IGF2R: variants seen among roughly 807,000 people sequenced by gnomAD.
IGF2R encodes cation-independent mannose-6-phosphate receptor.
Under a neutral mutation model 270.6 loss-of-function variants are expected in IGF2R, and 91 were observed. That is an observed-to-expected ratio of 0.34 (90% CI 0.28 to 0.40). The LOEUF is 0.40. IGF2R is among the 10% of genes least tolerant of loss of function. The pLI, the probability that IGF2R is intolerant of heterozygous loss-of-function variation, is 1.00. For synonymous variants in IGF2R, 1,316 were observed against 1,258.9 expected, an observed-to-expected ratio of 1.05 and a Z score of -0.96; for missense variants, 2,805 against 3,188.3, an observed-to-expected ratio of 0.88 and a Z score of 2.90.
chr6:160,025,429 T>C (rs1362143829), intron 5 of IGF2R, among the ~76,000 whole-genome samples: 1 of 152,236 alleles, frequency 6.6e-6, no homozygotes, highest in African/African-American at 2.4e-5. Context: ...AGTGTTCTTC[T>C]TTGTTTTTTA....
chr6:160,103,652 TG>T, intron 46 of IGF2R, 93 bp from the exon 47 acceptor site: 1 of 812,316 alleles, frequency 1.2e-6, no homozygotes, highest in Non-Finnish European at 2.2e-6. Context: ...ACCAGCCCCC[TG>T]GTGGTGCAGA....
At chr6:160,066,742 C>A (rs1355039163) in intron 29 of IGF2R, among the ~76,000 whole-genome samples, 3 of 152,142 alleles carry the variant, frequency 2.0e-5, no homozygotes, top group African/African-American at 7.2e-5. Flanking sequence ...GCTGTCCTCA[C>A]CTGTGCTGTT....
intron 23 of IGF2R, among the ~76,000 whole-genome samples, chr6:160,061,084 G>A (rs978623674): frequency 1.4e-4 from 22 of 152,218 alleles, no homozygotes; most frequent in African/African-American, 5.3e-4. Flanking sequence ...TGCCCTGGAA[G>A]CTGACAGTGT....
chr6:160,037,980 T>C (rs1207874387), intron 10 of IGF2R, among the ~76,000 whole-genome samples: 2 of 152,138 alleles, frequency 1.3e-5, no homozygotes, highest in Non-Finnish European at 2.9e-5. Context: ...CAGGGGAGGC[T>C]GGGAAACGGA....
At chr6:159,970,255 T>A (rs1783590184) in intron 1 of IGF2R, among the ~76,000 whole-genome samples, 1 of 152,196 alleles carries the variant, frequency 6.6e-6, no homozygotes, top group Non-Finnish European at 1.5e-5. Context: ...CTGTTTAGGA[T>A]GATGGAAAAT....
intron 4 of IGF2R, among the ~76,000 whole-genome samples, chr6:160,012,759 ATATATTT>A (rs1784355117): frequency 1.4e-5 from 1 of 71,666 alleles, no homozygotes; most frequent in Admixed American, 1.2e-4. Flanking sequence ...ATATATATAT[ATATATTT>A]TTTTTTTTTT....
chr6:160,085,266 C>G, intron 41 of IGF2R, 135 bp downstream of exon 41: 3 of 903,662 alleles, frequency 3.3e-6, no homozygotes, highest in Non-Finnish European at 5.0e-6. Context: ...CTGTCACTGT[C>G]TCACAGGCAT....
intron 19 of IGF2R, among the ~76,000 whole-genome samples, chr6:160,054,963 C>T (rs1778278701): frequency 6.6e-6 from 1 of 152,114 alleles, no homozygotes; most frequent in South Asian, 2.1e-4. Flanking sequence ...CCTGCCTGGT[C>T]TGCTTTGTCA....
At chr6:160,009,723 T>C (rs1256336841) in intron 3 of IGF2R, among the ~76,000 whole-genome samples, 1 of 152,228 alleles carries the variant, frequency 6.6e-6, no homozygotes, top group Non-Finnish European at 1.5e-5. Context: ...CAGTAAATAA[T>C]TGTTTTAGCT....
chr6:159,969,895 T>G (rs1005879132), intron 1 of IGF2R, among the ~76,000 whole-genome samples: 2 of 152,092 alleles, frequency 1.3e-5, no homozygotes, highest in African/African-American at 4.8e-5. Flanking sequence ...TGTGGTTTCA[T>G]TTGCTGATTG....
At chr6:160,013,083 G>T (rs972249623) in intron 4 of IGF2R, among the ~76,000 whole-genome samples, 1 of 151,944 alleles carries the variant, frequency 6.6e-6, no homozygotes, top group Non-Finnish European at 1.5e-5. Context: ...TTTCCAACCT[G>T]ATCATGATAC....
At chr6:159,997,437 C>A (rs1024797195) in intron 2 of IGF2R, among the ~76,000 whole-genome samples, 2 of 152,152 alleles carry the variant, frequency 1.3e-5, no homozygotes, top group African/African-American at 4.8e-5. Flanking sequence ...GGGTGAGCAA[C>A]CTGGCATAAG....
chr6:160,090,523 G>A lies in IGF2R; in HGVS notation c.6655+420G>A, dbSNP rs115924636. 7.7e-3 allele frequency among the ~76,000 whole-genome samples: 1,168 copies of A among 152,328 alleles called. 19 individuals carry two copies. The highest frequency in any genetic ancestry group is 0.027 in the African/African-American group (1,116 of 41,572). ...TGAAAGGAAACTGGCCTAAATGTTAGGATGTAGGTTAAAATCAACCAGGAC... is the reference window on the plus strand; with the variant it reads ...TGAAAGGAAACTGGCCTAAATGTTAAGATGTAGGTTAAAATCAACCAGGAC... On this transcript the variant is annotated intron_variant, in intron 44 of 47. Coordinates refer to ENST00000356956, the MANE Select transcript of IGF2R (RefSeq NM_000876.4).
At chr6:160,049,837 C>G (rs1778153477) in intron 18 of IGF2R, among the ~76,000 whole-genome samples, 2 of 152,146 alleles carry the variant, frequency 1.3e-5, no homozygotes, top group South Asian at 4.1e-4. Context: ...TGATGTGCGG[C>G]CAGTCAGTAC....
At chr6:160,065,814 G>GTGTGTGTATGTATATATATATATA in intron 29 of IGF2R, among the ~76,000 whole-genome samples, 2 of 78,392 alleles carry the variant, frequency 2.6e-5, no homozygotes, top group Non-Finnish European at 2.3e-5. Context: ...GTGTGTGTGT[G>GTGTGTGTATGTATATATATATATA]TATATATATA....
intron 5 of IGF2R, 57 bp downstream of exon 5, chr6:160,024,761 A>T: frequency 1.3e-6 from 2 of 1,566,756 alleles, no homozygotes; most frequent in Non-Finnish European, 1.8e-6. Flanking sequence ...CTATGGCTTC[A>T]ATATCTTTGC....
Position 160,102,067 on chromosome 6 carries a change from T to G in IGF2R, c.6843-452T>G, listed in dbSNP as rs8191939. On this transcript the variant is annotated intron_variant, in intron 45 of 47. Transcript: ENST00000356956. The surrounding 1 kb of genome is among the most constrained non-coding windows in gnomAD (Gnocchi z 4.5). The stretch of plus-strand genomic sequence containing the variant: ...TGTTTCTAAGGCCCCCTGGGCCCCT[T>G]TCGTGTGGAGATGGTGTCTCATGGT... 2.7e-4 allele frequency among the ~76,000 whole-genome samples: 41 copies of G among 152,256 alleles called. 2 individuals are homozygous for G. In the East Asian group the frequency reaches 6.4e-3, roughly 24 times the overall value.
chr6:160,072,830 G>C lies in IGF2R; in HGVS notation c.4636G>C (p.Gly1546Arg). The C allele has an allele frequency of 6.2e-7, 1 of 1,614,180 alleles. No individual in the cohort carries two copies. Among genetic ancestry groups the C allele is most frequent in the Non-Finnish European group, 8.5e-7 (1 of 1,180,032 alleles). ...AGFTAAYSEK[G>R]LVYMSICGEN... Reference sequence around the variant, plus strand: ...ATTCACAGCTGCTTACAGCGAGAAGGGGTTGGTTTACATGAGCATCTGTGG... The same window carrying C: ...ATTCACAGCTGCTTACAGCGAGAAGCGGTTGGTTTACATGAGCATCTGTGG... The change falls in exon 33 of 48, where the codon GGG becomes CGG. Residue 1546 changes from glycine (G) to arginine (R), a missense_variant. Gly to Arg is a moderately radical substitution (Grantham distance 125, BLOSUM62 -2). Around this residue, in one of 2 missense-constraint regions of IGF2R, gnomAD observed 1,851 missense variants for 2,207.2 expected, o/e 0.84. Coordinates refer to ENST00000356956, the MANE Select transcript of IGF2R (RefSeq NM_000876.4).
chr6:160,101,803 G>A (rs532896799), intron 45 of IGF2R, among the ~76,000 whole-genome samples: 4 of 152,196 alleles, frequency 2.6e-5, no homozygotes, highest in Non-Finnish European at 5.9e-5. Context: ...TTCTATTATT[G>A]TCCCAACTCT....
Sources: allele counts gnomAD v4.1 joint callset (sites outside exome capture counted in the v4.1 genomes callset), GRCh38; gene constraint gnomAD v4.1.1; regional missense constraint gnomAD v4.1.1; non-coding constraint Gnocchi (gnomAD v3.1); transcripts MANE v1.5; gene names NCBI Gene and HGNC (gene_info 2026-07-23, HGNC 2026-07-21).